Variants in TSGA13 observed in about 807,000 individuals in gnomAD.
TSGA13 encodes the protein testis specific 13.
TSGA13 carries 37 observed loss-of-function variants against 35.1 expected under a neutral mutation model. The observed-to-expected ratio is 1.05, with a 90% CI of 0.81 to 1.39. TSGA13 has a LOEUF of 1.39. TSGA13 is among the 40% of genes most tolerant of loss of function. The pLI is 0.00. For synonymous variants in TSGA13, 124 were observed against 121.2 expected (o/e 1.02, Z -0.15); for missense variants, 338 against 328.5 (o/e 1.03, Z -0.22).
chr7:130,668,751 C>G lies in TSGA13; in HGVS notation c.*263G>C. ...CGAGCGGAAGAGGCTGCAGGAAGGC[C>G]GGCCCCGCGCTCTCACGCCGGTTGG... On this transcript the variant is annotated 3_prime_UTR_variant, in exon 8 of 8. Coordinates refer to ENST00000356588, the MANE Select transcript of TSGA13 (RefSeq NM_052933.4). 6.9e-7 allele frequency: 1 copy of G among 1,451,234 alleles called. No homozygotes were observed. The highest frequency in any genetic ancestry group is 9.2e-7 in the Non-Finnish European group (1 of 1,085,868). The allele number at this position is 1,451,234 out of a possible 1,614,324, so 89.9% of individuals were successfully genotyped here.
chr7:130,680,229 A>G (rs1356686497), intron 4 of TSGA13, among the ~76,000 whole-genome samples: 1 of 152,224 alleles, frequency 6.6e-6, no homozygotes, highest in African/African-American at 2.4e-5. Context: ...AAAGCAGGCC[A>G]GGTGCGGTGG....
chr7:130,685,028 A>C (rs1297616552), intron 2 of TSGA13, among the ~76,000 whole-genome samples, 160 bp downstream of exon 2: 1 of 152,098 alleles, frequency 6.6e-6, no homozygotes, highest in Non-Finnish European at 1.5e-5. Flanking sequence ...CATGAAATAC[A>C]GACCAAGATC....
chr7:130,673,013 C>T (rs1025860254), intron 5 of TSGA13, 137 bp from the exon 6 acceptor site: 27 of 992,332 alleles, frequency 2.7e-5, no homozygotes, highest in Admixed American at 3.4e-5. Flanking sequence ...GAAGTGGGAA[C>T]TCAGAAACCA....
chr7:130,685,369 G>A lies in TSGA13; in HGVS notation c.-150-9C>T, dbSNP rs550829652. ...ATGCCCCATTCTTGAGCCTGTATGG[G>A]AAACAAGAAAAGACTGATAGGTGCT... On this transcript the variant is annotated splice_polypyrimidine_tract_variant and intron_variant, in intron 1 of 7. Coordinates refer to ENST00000356588, the MANE Select transcript of TSGA13 (RefSeq NM_052933.4). 1,298 of 1,427,556 alleles carry A rather than the reference G, an allele frequency of 9.1e-4. 2 individuals carry two copies. The highest frequency in any genetic ancestry group is 3.0e-3 in the Middle Eastern group (16 of 5,350). The allele number at this position is 1,427,556 out of a possible 1,614,324, so 88.4% of individuals were successfully genotyped here.
chr7:130,675,995 C>T (rs1442933375), intron 5 of TSGA13, among the ~76,000 whole-genome samples: 7 of 152,174 alleles, frequency 4.6e-5, no homozygotes, highest in Admixed American at 1.3e-4. Flanking sequence ...CAGGATATTC[C>T]CTTACTCAGG....
intron 6 of TSGA13, among the ~76,000 whole-genome samples, 199 bp downstream of exon 6, chr7:130,672,535 C>T (rs1222009295): frequency 1.3e-5 from 2 of 152,050 alleles, no homozygotes; most frequent in African/African-American, 4.8e-5. Flanking sequence ...AAACCATTGC[C>T]AGTGCAAAAC....
rs1796636181 is a variant in TSGA13 at position 130,685,272 on chromosome 7, T to C, written c.-62A>G. On this transcript the variant is annotated 5_prime_UTR_variant, in exon 2 of 8. Transcript: ENST00000356588. ...ATTCACCCAAGGCCAAATTCAGGTC[T>C]CTAAATAGTCCACGTTCTGCAGGGG... 1 of 1,606,542 alleles carries C rather than the reference T, an allele frequency of 6.2e-7. No homozygotes were observed. Among genetic ancestry groups the C allele is most frequent in the Non-Finnish European group, 8.5e-7 (1 of 1,173,522 alleles).
At chr7:130,671,204 C>T (rs1278648925) in intron 7 of TSGA13, among the ~76,000 whole-genome samples, 1 of 151,908 alleles carries the variant, frequency 6.6e-6, no homozygotes, top group Non-Finnish European at 1.5e-5. Flanking sequence ...ATGCATACCA[C>T]TGGGTGGTTC....
Position 130,668,747 on chromosome 7 carries a change from A to C in TSGA13, c.*267T>G. On this transcript the variant is annotated 3_prime_UTR_variant, in exon 8 of 8. Coordinates refer to ENST00000356588, the MANE Select transcript of TSGA13 (RefSeq NM_052933.4). ...CCGGCGAGCGGAAGAGGCTGCAGGA[A>C]GGCCGGCCCCGCGCTCTCACGCCGG... The C allele has an allele frequency of 4.1e-6, 6 of 1,464,134 alleles. No homozygotes were observed. The highest frequency in any genetic ancestry group is 4.6e-6 in the Non-Finnish European group (5 of 1,095,800). 90.7% of individuals were successfully genotyped at this position (1,464,134 alleles called of 1,614,324 possible).
At chr7:130,677,263 T>G (rs1396561025) in intron 5 of TSGA13, among the ~76,000 whole-genome samples, 1 of 152,184 alleles carries the variant, frequency 6.6e-6, no homozygotes, top group Non-Finnish European at 1.5e-5. Context: ...GTTCAGGTCT[T>G]CAGTATCTCT....
Position 130,669,228 on chromosome 7 carries a change from G to A in TSGA13, c.659-45C>T, listed in dbSNP as rs782674041. The A allele has an allele frequency of 1.9e-6, 3 of 1,611,822 alleles. No homozygotes were observed. In the Admixed American group the frequency reaches 5.0e-5, roughly 27 times the overall value. ...CCCTGGTGAATGTGGCTTTTCAGAA[G>A]TACTCGAAGGATACTTAATGTGAGA... On this transcript the variant is annotated intron_variant, in intron 7 of 7. Coordinates refer to ENST00000356588, the MANE Select transcript of TSGA13 (RefSeq NM_052933.4).
rs782792040 is a variant in TSGA13 at position 130,680,935 on chromosome 7, T to C, written c.174+11A>G. On this transcript the variant is annotated intron_variant, in intron 4 of 7. Transcript: ENST00000356588. Reference sequence around the variant, plus strand: ...CCTTAGAGATCTTGGGGGAATGCTTTCTCTACCTACCAAATTTGGATGGAC... The same window carrying C: ...CCTTAGAGATCTTGGGGGAATGCTTCCTCTACCTACCAAATTTGGATGGAC... 3.7e-6 allele frequency: 6 copies of C among 1,613,752 alleles called. No homozygotes were observed. The highest frequency in any genetic ancestry group is 5.1e-6 in the Non-Finnish European group (6 of 1,179,742).
chr7:130,684,212 C>G (rs1212895283), intron 2 of TSGA13, among the ~76,000 whole-genome samples: 1 of 152,178 alleles, frequency 6.6e-6, no homozygotes, highest in Admixed American at 6.5e-5. Flanking sequence ...CTCATGTCTT[C>G]CTAACCACAT....
chr7:130,668,891 C>T lies in TSGA13; in HGVS notation c.*123G>A, dbSNP rs1441332678. On this transcript the variant is annotated 3_prime_UTR_variant, in exon 8 of 8. Transcript: ENST00000356588. Reference sequence around the variant, plus strand: ...GCCCGCCGGAGACTTCGGCTCGACCCTCCCGGCTTGCGACCCGGGAGCCCA... The same window carrying T: ...GCCCGCCGGAGACTTCGGCTCGACCTTCCCGGCTTGCGACCCGGGAGCCCA... 1.0e-5 allele frequency: 15 copies of T among 1,452,384 alleles called. No homozygotes were observed. Among genetic ancestry groups the T allele is most frequent in the Admixed American group, 4.5e-5 (2 of 44,426 alleles). 90.0% of individuals were successfully genotyped at this position (1,452,384 alleles called of 1,614,324 possible). A position where few individuals can be genotyped will look rare whatever the true frequency, so the allele number is the denominator to read the frequency against.
At chr7:130,674,169 C>CTTTTTTTTTTTTTT (rs1162370815) in intron 5 of TSGA13, among the ~76,000 whole-genome samples, 2 of 98,414 alleles carry the variant, frequency 2.0e-5, no homozygotes. Context: ...TTCTTTTTTT[C>CTTTTTTTTTTTTTT]TTTTTTTTTT....
chr7:130,683,583 A>T lies in TSGA13; in HGVS notation c.102+11T>A, dbSNP rs1360662077. On this transcript the variant is annotated intron_variant, in intron 3 of 7. Transcript: ENST00000356588. ...AAAATTAAACATTGAACACTTACTA[A>T]CACTCCTTACCTCTTTGCTATTGAC... 6.2e-7 allele frequency: 1 copy of T among 1,611,372 alleles called. No individual in the cohort carries two copies. The highest frequency in any genetic ancestry group is 8.5e-7 in the Non-Finnish European group (1 of 1,178,862).
intron 3 of TSGA13, 71 bp from the exon 4 acceptor site, chr7:130,681,088 A>C: frequency 2.3e-6 from 3 of 1,323,432 alleles, no homozygotes; most frequent in Non-Finnish European, 3.3e-6. Context: ...TCCTTACCTC[A>C]CCTTAGTCTC....
upstream of TSGA13, chr7:130,686,569 A>G (rs932741920): frequency 1.3e-5 from 2 of 151,968 alleles, no homozygotes; most frequent in African/African-American, 4.8e-5. Flanking sequence ...GGAATTTGTG[A>G]TGAATAGGCA....
At chr7:130,681,274 A>G (rs1796539291) in intron 3 of TSGA13, among the ~76,000 whole-genome samples, 2 of 152,162 alleles carry the variant, frequency 1.3e-5, no homozygotes. Flanking sequence ...ATGAAATGTC[A>G]GGGAAAGCCG....
Sources: allele counts gnomAD v4.1 joint callset (sites outside exome capture counted in the v4.1 genomes callset), GRCh38; gene constraint gnomAD v4.1.1; transcripts MANE v1.5; gene names NCBI Gene and HGNC (gene_info 2026-07-23, HGNC 2026-07-21).